Variants in VANGL1 observed in about 807,000 individuals in gnomAD.
VANGL1 encodes the protein vang-like protein 1.
Under a neutral mutation model 48.4 loss-of-function variants are expected in VANGL1, and 18 were observed. The ratio of observed to expected loss-of-function variants is 0.37; its 90% CI spans 0.26 to 0.55. VANGL1 has a LOEUF of 0.55. Among genes scored for constraint, VANGL1 ranks in the 20% least tolerant of loss-of-function variants. VANGL1 has a pLI of 0.81. For synonymous variants in VANGL1, 257 were observed against 261.8 expected (o/e 0.98, Z 0.18); for missense variants, 667 against 675.8 (o/e 0.99, Z 0.14).
Position 115,691,219 on chromosome 1 carries a change from C to T in VANGL1, c.1415C>T (p.Thr472Ile), listed in dbSNP as rs1178981044. ...AGGCTTGTCAGTGATGAGGCTGTGACTAATGGATTACGGGATGGAATTGTG... is the reference window on the plus strand; with the variant it reads ...AGGCTTGTCAGTGATGAGGCTGTGATTAATGGATTACGGGATGGAATTGTG... Reference protein sequence around the residue: ...QWRLVSDEAVTNGLRDGIVFV... With the variant: ...QWRLVSDEAVINGLRDGIVFV... Residue 472 changes from threonine to isoleucine, a missense_variant, in exon 8 of 8, where the codon ACT becomes ATT. Physicochemically the swap from Thr to Ile is moderately conservative, Grantham distance 89 (BLOSUM62 -1). Transcript: ENST00000355485. 1 of 1,614,152 alleles carries T rather than the reference C, an allele frequency of 6.2e-7. No individual in the cohort carries two copies. Among genetic ancestry groups the T allele is most frequent in the South Asian group, 1.1e-5 (1 of 91,086 alleles).
At chr1:115,660,387 T>C (rs1652501040) in intron 3 of VANGL1, among the ~76,000 whole-genome samples, 1 of 152,208 alleles carries the variant, frequency 6.6e-6, no homozygotes. Context: ...GCTCCGCAGC[T>C]CCAGACACCT....
chr1:115,652,573 G>T (rs2101308763), intron 2 of VANGL1, among the ~76,000 whole-genome samples: 1 of 152,322 alleles, frequency 6.6e-6, no homozygotes, highest in Middle Eastern at 3.4e-3. Flanking sequence ...AAGTAATGCT[G>T]TAATGGCCTT....
rs1017804624 is a variant in VANGL1, at chr1:115,692,787, C to G, written c.*1408C>G. 6.6e-6 allele frequency: 1 copy of G among 152,280 alleles called. No homozygotes were observed. The highest frequency in any genetic ancestry group is 1.5e-5 in the Non-Finnish European group (1 of 68,074). The allele number at this position is 152,280 out of a possible 1,614,324, so 9.4% of individuals were successfully genotyped here. A position where few individuals can be genotyped will look rare whatever the true frequency, so the allele number is the denominator to read the frequency against. Reference sequence around the variant, plus strand: ...AGGAGCCCCATCCGGACCTCTTGCACTGGGCTGCCTTTGCCTCCATTTGCC... The same window carrying G: ...AGGAGCCCCATCCGGACCTCTTGCAGTGGGCTGCCTTTGCCTCCATTTGCC... On this transcript the variant is annotated 3_prime_UTR_variant, in exon 8 of 8. Transcript: ENST00000355485.
chr1:115,680,343 C>T (rs950343201), intron 4 of VANGL1, among the ~76,000 whole-genome samples: 1 of 152,178 alleles, frequency 6.6e-6, no homozygotes, highest in African/African-American at 2.4e-5. Context: ...AACATACTCA[C>T]TGTCATGGGG....
chr1:115,647,106 A>G (rs1651970439), intron 1 of VANGL1, among the ~76,000 whole-genome samples: 1 of 152,272 alleles, frequency 6.6e-6, no homozygotes, highest in African/African-American at 2.4e-5. Flanking sequence ...CACCACGGAA[A>G]GGTTTTAAAC....
chr1:115,686,623 T>A (rs1414131025), intron 7 of VANGL1, among the ~76,000 whole-genome samples: 1 of 152,142 alleles, frequency 6.6e-6, no homozygotes, highest in African/African-American at 2.4e-5. Flanking sequence ...CAAATTACTC[T>A]ACCCTCTATT....
intron 2 of VANGL1, among the ~76,000 whole-genome samples, chr1:115,655,653 A>C (rs1434118796): frequency 6.6e-6 from 1 of 152,172 alleles, no homozygotes; most frequent in Non-Finnish European, 1.5e-5. Context: ...ACATGTATAC[A>C]TGTGTTTGTA....
chr1:115,651,599 T>A, intron 2 of VANGL1, 115 bp downstream of exon 2: 1 of 849,140 alleles, frequency 1.2e-6, no homozygotes, highest in Non-Finnish European at 2.0e-6. Flanking sequence ...GGTTGGTGCA[T>A]GAGAAGCTGA....
chr1:115,687,276 T>C (rs1653667866), intron 7 of VANGL1, among the ~76,000 whole-genome samples: 1 of 139,322 alleles, frequency 7.2e-6, no homozygotes, highest in East Asian at 2.0e-4. Context: ...TTATAAATTA[T>C]GGTGTATCAC....
intron 7 of VANGL1, among the ~76,000 whole-genome samples, chr1:115,688,847 T>A (rs1410995324): frequency 3.0e-5 from 4 of 133,890 alleles, no homozygotes. Context: ...TGGAGTGCAG[T>A]GGCACGATCT....
chr1:115,690,022 T>C (rs561294878), intron 7 of VANGL1, among the ~76,000 whole-genome samples: 1 of 139,416 alleles, frequency 7.2e-6, no homozygotes, highest in South Asian at 2.4e-4. Flanking sequence ...TGTTTCTATC[T>C]GTATTACTGG....
intron 3 of VANGL1, among the ~76,000 whole-genome samples, chr1:115,661,317 A>G (rs1029993626): frequency 7.2e-5 from 11 of 152,084 alleles, no homozygotes; most frequent in Non-Finnish European, 1.3e-4. Flanking sequence ...AAATTCTCTC[A>G]TGCCCTTTCT....
chr1:115,691,215 G>C lies in VANGL1; in HGVS notation c.1411G>C (p.Val471Leu). The change falls in exon 8 of 8, where the codon GTG becomes CTG. Residue 471 changes from valine (V) to leucine (L), a missense_variant. Val to Leu is a conservative substitution (Grantham distance 32). Coordinates refer to ENST00000355485, the MANE Select transcript of VANGL1 (RefSeq NM_138959.3). ...GTGGAGGCTTGTCAGTGATGAGGCT[G>C]TGACTAATGGATTACGGGATGGAAT... ...TQWRLVSDEA[V>L]TNGLRDGIVF... is the part of the protein sequence containing the mutation. 6.2e-7 allele frequency: 1 copy of C among 1,613,878 alleles called. No individual in the cohort carries two copies. Among genetic ancestry groups the C allele is most frequent in the East Asian group, 2.2e-5 (1 of 44,856 alleles).
At chr1:115,644,691 T>C (rs1651854478) in intron 1 of VANGL1, among the ~76,000 whole-genome samples, 1 of 152,184 alleles carries the variant, frequency 6.6e-6, no homozygotes, top group Non-Finnish European at 1.5e-5. Flanking sequence ...GAGATCTATT[T>C]TTCTGAAGTT....
intron 4 of VANGL1, among the ~76,000 whole-genome samples, chr1:115,678,503 T>C (rs1392550141): frequency 6.6e-6 from 1 of 152,150 alleles, no homozygotes; most frequent in Admixed American, 6.5e-5. Flanking sequence ...TTGCTGCAGC[T>C]TGGGACAGAG....
intron 1 of VANGL1, among the ~76,000 whole-genome samples, chr1:115,645,758 GA>G (rs1159345250): frequency 6.6e-6 from 1 of 152,188 alleles, no homozygotes; most frequent in Non-Finnish European, 1.5e-5. Context: ...AATCTCTGCA[GA>G]ATTCTATGTA....
chr1:115,663,036 C>G (rs545768594), intron 3 of VANGL1, among the ~76,000 whole-genome samples: 7 of 152,140 alleles, frequency 4.6e-5, no homozygotes, highest in Non-Finnish European at 8.8e-5. Flanking sequence ...CCGTCCGCCT[C>G]GGCCTTCCAA....
intron 3 of VANGL1, among the ~76,000 whole-genome samples, chr1:115,663,068 AGCCACC>A (rs1652628292): frequency 6.6e-6 from 1 of 152,134 alleles, no homozygotes; most frequent in South Asian, 2.1e-4. Context: ...TACAGGTGTG[AGCCACC>A]GCGCCCCAGT....
At chr1:115,678,227 G>T (rs1457250966) in intron 4 of VANGL1, among the ~76,000 whole-genome samples, 1 of 152,238 alleles carries the variant, frequency 6.6e-6, no homozygotes. Context: ...GGACAGATCA[G>T]TGGGGACTGG....
Sources: gnomAD v4.1 joint callset for allele counts (sites outside exome capture counted in the v4.1 genomes callset) on GRCh38, gnomAD v4.1.1 for gene constraint, MANE v1.5 for transcripts, NCBI Gene and HGNC (gene_info 2026-07-23, HGNC 2026-07-21) for gene names.